The following RIMS2 variants were observed in gnomAD, a reference collection of about 807,000 sequenced individuals.
The protein encoded by RIMS2 is regulating synaptic membrane exocytosis 2, also known as regulating synaptic membrane exocytosis protein 2.
RIMS2 carries 59 observed loss-of-function variants against 174.4 expected under a neutral mutation model. That is an observed-to-expected ratio of 0.34 (90% CI 0.27 to 0.42). The LOEUF is 0.42. Among genes scored for constraint, RIMS2 ranks in the 10% least tolerant of loss-of-function variants. The pLI is 1.00. For missense variants in RIMS2, 1,620 were observed against 1,666.3 expected, an observed-to-expected ratio of 0.97 and a Z score of 0.48; for synonymous variants, 606 against 572.5, an observed-to-expected ratio of 1.06 and a Z score of -0.84.
chr8:103,818,564 A>T (rs2098732528), intron 3 of RIMS2, among the ~76,000 whole-genome samples: 1 of 152,180 alleles, frequency 6.6e-6, no homozygotes. Flanking sequence ...GTAATAATTG[A>T]TAAAGTGTCT....
At chr8:103,633,032 C>CTT (rs34279617) in intron 1 of RIMS2, among the ~76,000 whole-genome samples, 11 of 138,122 alleles carry the variant, frequency 8.0e-5, no homozygotes, top group Admixed American at 7.3e-4. Flanking sequence ...CGCGCCAGGC[C>CTT]TTTTTTTTTT....
Position 104,250,677 on chromosome 8 carries a change from T to G in RIMS2, c.3692-347T>G, listed in dbSNP as rs555858262. ...GGATGAGTGAATGAAACAATATAGC[T>G]TCAAGCATGTTAAATAGATTTAAGT... On this transcript the variant is annotated intron_variant, in intron 22 of 23. Coordinates refer to ENST00000504942, the Ensembl canonical transcript of RIMS2. 6.6e-5 allele frequency among the ~76,000 whole-genome samples: 10 copies of G among 152,266 alleles called. No individual in the cohort carries two copies. The East Asian group carries it at 1.9e-3, about 29-fold the overall frequency.
intron 19 of RIMS2, chr8:104,223,644 C>T: frequency 6.3e-7 from 1 of 1,587,272 alleles, no homozygotes; most frequent in Non-Finnish European, 8.5e-7. Flanking sequence ...AGCGGGTCCT[C>T]GTCCAAGATG....
At chr8:104,130,515 A>G (rs1374971736) in intron 19 of RIMS2, among the ~76,000 whole-genome samples, 2 of 152,142 alleles carry the variant, frequency 1.3e-5, no homozygotes, top group Non-Finnish European at 2.9e-5. Context: ...TGGGGGACCT[A>G]CTTTCCATCT....
At chr8:104,062,834 G>A (rs182258951) in intron 19 of RIMS2, among the ~76,000 whole-genome samples, 2 of 151,670 alleles carry the variant, frequency 1.3e-5, no homozygotes, top group African/African-American at 2.4e-5. Context: ...CACATTGTTT[G>A]TATTTTCTTA....
Position 103,900,534 on chromosome 8 carries a change from A to G in RIMS2, c.1625-9600A>G, listed in dbSNP as rs374038620. Among the ~76,000 whole-genome samples the G allele has an allele frequency of 4.3e-4, 66 of 152,228 alleles. No homozygotes were observed. The South Asian group carries it at 8.3e-3, about 19-fold the overall frequency. The stretch of plus-strand genomic sequence containing the variant: ...TATGGAGACTGCTATAAATACCACT[A>G]AATGGAATCTGTGGAATTATTGAGC... On this transcript the variant is annotated intron_variant, in intron 4 of 23. Coordinates refer to ENST00000504942, the Ensembl canonical transcript of RIMS2.
intron 1 of RIMS2, among the ~76,000 whole-genome samples, chr8:103,617,651 CA>C (rs2095536983): frequency 6.6e-6 from 1 of 151,916 alleles, no homozygotes. Context: ...GGAACTTTAA[CA>C]AATTTATAAG....
chr8:103,833,446 TTCGGCCA>T, intron 3 of RIMS2, among the ~76,000 whole-genome samples: 1 of 152,284 alleles, frequency 6.6e-6, no homozygotes, highest in Non-Finnish European at 1.5e-5. Flanking sequence ...ATTTAATAAG[TTCGGCCA>T]TTGTTGTAGC....
intron 1 of RIMS2, among the ~76,000 whole-genome samples, chr8:103,567,040 G>T (rs1184989709): frequency 6.6e-6 from 1 of 152,000 alleles, no homozygotes; most frequent in Non-Finnish European, 1.5e-5. Flanking sequence ...TCTTTCTATG[G>T]ATTTGCCTGT....
At chr8:103,946,355 G>A (rs1051073551) in intron 14 of RIMS2, among the ~76,000 whole-genome samples, 2 of 152,100 alleles carry the variant, frequency 1.3e-5, no homozygotes, top group African/African-American at 4.8e-5. Context: ...AGCCTGGCGT[G>A]GTGGCAGGCG....
chr8:104,025,789 G>T (rs2096243996), intron 19 of RIMS2, among the ~76,000 whole-genome samples: 1 of 142,004 alleles, frequency 7.0e-6, no homozygotes, highest in Non-Finnish European at 1.6e-5. Context: ...TACAACAATA[G>T]TCTCATAATA....
chr8:103,538,442 T>C (rs1010677297), intron 1 of RIMS2, among the ~76,000 whole-genome samples: 3 of 152,140 alleles, frequency 2.0e-5, no homozygotes, highest in African/African-American at 7.2e-5. Context: ...CTAAGCAGTA[T>C]ACACTGCACC....
At chr8:103,970,140 G>A (rs1020681805) in intron 15 of RIMS2, among the ~76,000 whole-genome samples, 1 of 152,160 alleles carries the variant, frequency 6.6e-6, no homozygotes, top group African/African-American at 2.4e-5. Flanking sequence ...CTTTAGTAAT[G>A]TGCTGGTAAG....
intron 9 of RIMS2, among the ~76,000 whole-genome samples, chr8:103,919,216 G>A (rs1394649876): frequency 6.6e-6 from 1 of 152,152 alleles, no homozygotes; most frequent in Non-Finnish European, 1.5e-5. Flanking sequence ...CACTGAGAAG[G>A]AAGGATTGAA....
At chr8:103,836,716 T>A (rs2098895561) in intron 3 of RIMS2, among the ~76,000 whole-genome samples, 1 of 152,248 alleles carries the variant, frequency 6.6e-6, no homozygotes, top group Non-Finnish European at 1.5e-5. Flanking sequence ...CTACCTTTTC[T>A]AGAGAAGTTG....
intron 19 of RIMS2, among the ~76,000 whole-genome samples, chr8:104,047,853 T>C (rs1436717598): frequency 6.6e-6 from 1 of 152,062 alleles, no homozygotes; most frequent in Non-Finnish European, 1.5e-5. Flanking sequence ...CTGAAAAACA[T>C]AGTTGGGTGG....
At chr8:103,745,239 T>C (rs961484379) in intron 2 of RIMS2, among the ~76,000 whole-genome samples, 1 of 152,198 alleles carries the variant, frequency 6.6e-6, no homozygotes, top group African/African-American at 2.4e-5. Flanking sequence ...TATGGAGTTA[T>C]CTGTACTGGA....
chr8:104,087,864 G>A (rs192175477), intron 19 of RIMS2, among the ~76,000 whole-genome samples: 41 of 152,190 alleles, frequency 2.7e-4, no homozygotes, highest in East Asian at 7.7e-4. Context: ...CATGATGTTC[G>A]TTAGGCTCAG....
chr8:104,049,680 C>G (rs2154558656), intron 19 of RIMS2, among the ~76,000 whole-genome samples: 1 of 151,946 alleles, frequency 6.6e-6, no homozygotes, highest in Non-Finnish European at 1.5e-5. Flanking sequence ...ATACTTTCAA[C>G]CAACAGAAAA....
Sources: allele counts gnomAD v4.1 joint callset (sites outside exome capture counted in the v4.1 genomes callset), GRCh38; gene constraint gnomAD v4.1.1; transcripts MANE v1.5; gene names NCBI Gene and HGNC (gene_info 2026-07-23, HGNC 2026-07-21).